CSMD2: variants seen among roughly 807,000 people sequenced by gnomAD.
CSMD2 encodes CUB and Sushi multiple domains 2, also known as CUB and sushi domain-containing protein 2.
CSMD2 carries 130 observed loss-of-function variants against 398.5 expected under a neutral mutation model. The ratio of observed to expected loss-of-function variants is 0.33; its 90% confidence interval spans 0.28 to 0.38. The LOEUF (loss-of-function observed/expected upper bound fraction) is 0.38. CSMD2 is among the 10% of genes least tolerant of loss of function. The pLI is 1.00. For synonymous variants in CSMD2, 1,828 were observed against 1,908.5 expected (o/e 0.96, Z 1.10); for missense variants, 3,829 against 4,764.9 (o/e 0.80, Z 5.78).
In CSMD2 at chr1:33,889,616, T is replaced by C. The variant is rs1009318980; in HGVS notation, c.920+28478A>G. Among the ~76,000 whole-genome samples, 2 of 152,016 alleles carry C rather than the reference T, an allele frequency of 1.3e-5. 1 individual carries two copies. The highest frequency in any genetic ancestry group is 2.9e-5 in the Non-Finnish European group (2 of 68,030). ...TAACATTATTTGAAATAGTGAAAAATGCAATTATTAGGGAAATTGTTAAAA... is the reference window on the plus strand; with the variant it reads ...TAACATTATTTGAAATAGTGAAAAACGCAATTATTAGGGAAATTGTTAAAA... On this transcript the variant is annotated intron_variant, in intron 5 of 70. Coordinates refer to ENST00000373381, the MANE Select transcript of CSMD2 (RefSeq NM_001281956.2).
rs1188956752 is a variant in CSMD2, at chr1:34,164,871, C to T, written c.187+40G>A. 2.5e-6 allele frequency: 3 copies of T among 1,216,032 alleles called. No homozygotes were observed. Among genetic ancestry groups the T allele is most frequent in the East Asian group, 6.6e-5 (2 of 30,524 alleles). 75.3% of individuals were successfully genotyped at this position (1,216,032 alleles called of 1,614,324 possible). ...GGGTGGGCTCGGGGCTCGGGTGGGG[C>T]GCGCGGCGGCCGCTGGCTCCTCGGC... On this transcript the variant is annotated intron_variant, in intron 1 of 70. Transcript: ENST00000373381. This position sits in a 1 kb window ranked among gnomAD's most constrained non-coding sequence, Gnocchi z 6.2.
intron 3 of CSMD2, 112 bp from the exon 4 acceptor site, chr1:33,936,066 T>C: frequency 4.8e-6 from 4 of 839,940 alleles, no homozygotes; most frequent in Non-Finnish European, 7.4e-6. Context: ...TGGAACTCAT[T>C]TCTTCTTCTG....
At chr1:33,982,515 G>A (rs1646207442) in intron 3 of CSMD2, among the ~76,000 whole-genome samples, 1 of 152,220 alleles carries the variant, frequency 6.6e-6, no homozygotes. Context: ...TGGACTGGGA[G>A]TATTTTAAAT....
At chr1:33,742,019 A>G (rs1235022437) in intron 14 of CSMD2, among the ~76,000 whole-genome samples, 1 of 152,236 alleles carries the variant, frequency 6.6e-6, no homozygotes. Context: ...GGATATAAAG[A>G]TAAGGAAAGC....
intron 46 of CSMD2, 34 bp from the exon 47 acceptor site, chr1:33,583,864 G>C: frequency 6.3e-7 from 1 of 1,592,140 alleles, no homozygotes; most frequent in South Asian, 1.1e-5. Flanking sequence ...CAAGTACGTG[G>C]GGGTGGAGAT....
chr1:34,161,971 G>A (rs1641366934), intron 1 of CSMD2, among the ~76,000 whole-genome samples: 1 of 151,924 alleles, frequency 6.6e-6, no homozygotes, highest in Non-Finnish European at 1.5e-5. Flanking sequence ...AGGAGTTCGA[G>A]ACCAGCCTGA....
chr1:33,521,418 C>T, intron 68 of CSMD2, 45 bp downstream of exon 68: 9 of 694,540 alleles, frequency 1.3e-5, no homozygotes, highest in African/African-American at 1.8e-5. Flanking sequence ...CGGTTTCTCT[C>T]CCACCCACCC....
intron 10 of CSMD2, among the ~76,000 whole-genome samples, chr1:33,794,086 G>A (rs1393275520): frequency 6.6e-6 from 1 of 152,196 alleles, no homozygotes; most frequent in Non-Finnish European, 1.5e-5. Flanking sequence ...AGTTGTGGCT[G>A]ACGCCTTCTG....
chr1:33,891,137 T>C (rs566863695), intron 5 of CSMD2, among the ~76,000 whole-genome samples: 21 of 151,550 alleles, frequency 1.4e-4, no homozygotes, highest in Admixed American at 2.0e-4. Flanking sequence ...AGAAAATTTT[T>C]GCAACCTACT....
At chr1:33,521,428 C>A (rs368499050) in intron 68 of CSMD2, 35 bp downstream of exon 68, 3 of 1,165,486 alleles carry the variant, frequency 2.6e-6, no homozygotes, top group South Asian at 2.4e-5. Context: ...CCCACCCACC[C>A]GGGCCCACAC....
intron 16 of CSMD2, among the ~76,000 whole-genome samples, chr1:33,726,091 G>A (rs778609612): frequency 6.6e-6 from 1 of 152,162 alleles, no homozygotes; most frequent in Non-Finnish European, 1.5e-5. Context: ...TCACATTTAG[G>A]TGGCTACGTT....
chr1:33,626,947 C>A lies in CSMD2; in HGVS notation c.5201-366G>T, dbSNP rs139732694. ...ACAGGGATGGAGACAGCAGCTGTTA[C>A]CAAGCCGGCTGACTGGTGGTTTACT... On this transcript the variant is annotated intron_variant, in intron 32 of 70. Transcript: ENST00000373381. Among the ~76,000 whole-genome samples, 103 of 152,224 alleles carry A rather than the reference C, an allele frequency of 6.8e-4. 1 individual carries two copies. The East Asian group carries it at 0.011, about 16-fold the overall frequency.
intron 26 of CSMD2, 148 bp downstream of exon 26, chr1:33,662,742 C>T: frequency 2.5e-6 from 2 of 788,618 alleles, no homozygotes. Context: ...GACATTTGAA[C>T]AGGTGCTAAC....
At chr1:33,959,796 C>A (rs1645290796) in intron 3 of CSMD2, among the ~76,000 whole-genome samples, 1 of 152,104 alleles carries the variant, frequency 6.6e-6, no homozygotes, top group Non-Finnish European at 1.5e-5. Context: ...ATGCAGCTCA[C>A]CACTCTCTTT....
chr1:33,732,478 A>C (rs1226376800), intron 15 of CSMD2, among the ~76,000 whole-genome samples: 1 of 152,196 alleles, frequency 6.6e-6, no homozygotes, highest in African/African-American at 2.4e-5. Flanking sequence ...GGAAGACACC[A>C]GGGGTGCATG....
chr1:33,777,125 C>T (rs557296735), intron 12 of CSMD2, among the ~76,000 whole-genome samples: 7 of 152,230 alleles, frequency 4.6e-5, no homozygotes, highest in East Asian at 1.9e-4. Context: ...AGCAAGCATA[C>T]GAGCCCCTCT....
At chr1:34,035,317 T>C (rs1650976816) in intron 2 of CSMD2, among the ~76,000 whole-genome samples, 1 of 152,244 alleles carries the variant, frequency 6.6e-6, no homozygotes, top group African/African-American at 2.4e-5. Context: ...TCTACTCTAA[T>C]CTCTTCCAGA....
intron 70 of CSMD2, 119 bp from the exon 71 acceptor site, chr1:33,516,689 G>C (rs1343612508): frequency 6.6e-6 from 1 of 152,190 alleles, no homozygotes; most frequent in African/African-American, 2.4e-5. Context: ...AAGCGGGAAA[G>C]AGATGAGTCA....
intron 2 of CSMD2, among the ~76,000 whole-genome samples, chr1:34,054,695 G>T (rs1226817311): frequency 6.6e-6 from 1 of 152,126 alleles, no homozygotes; most frequent in Admixed American, 6.5e-5. Context: ...AGCCGAGATC[G>T]CGCCACTGCA....
Sources: gnomAD v4.1 joint callset for allele counts (sites outside exome capture counted in the v4.1 genomes callset) on GRCh38, gnomAD v4.1.1 for gene constraint, Gnocchi (gnomAD v3.1) non-coding constraint, MANE v1.5 for transcripts, NCBI Gene and HGNC (gene_info 2026-07-23, HGNC 2026-07-21) for gene names.